NT5DC2: variants seen among roughly 807,000 people sequenced by gnomAD.
The protein encoded by NT5DC2 is 5'-nucleotidase domain-containing protein 2.
In NT5DC2, 41 loss-of-function variants were observed where a neutral mutation model predicts 70.0. The ratio of observed to expected loss-of-function variants is 0.59; its 90% CI spans 0.46 to 0.76. The LOEUF (loss-of-function observed/expected upper bound fraction) is 0.76, where lower values mean the gene tolerates loss of function less well. Among genes scored for constraint, NT5DC2 ranks in the 30% least tolerant of loss-of-function variants. NT5DC2 has a pLI of 0.00. For missense variants in NT5DC2, 705 were observed against 783.2 expected, an observed-to-expected ratio of 0.90 and a Z score of 1.19; for synonymous variants, 299 against 310.4, an observed-to-expected ratio of 0.96 and a Z score of 0.39.
rs996512567 is a variant in NT5DC2 at position 52,533,746 on chromosome 3, C to T, written c.-9G>A. On this transcript the variant is annotated 5_prime_UTR_variant, in exon 1 of 14. Coordinates refer to ENST00000422318, the MANE Select transcript of NT5DC2 (RefSeq NM_001134231.2). ...AGCCCCGCACCCGCCATGCCCACCGCGCGCCGCCCGCCGCCCGCGCTGCCC... is the reference window on the plus strand; with the variant it reads ...AGCCCCGCACCCGCCATGCCCACCGTGCGCCGCCCGCCGCCCGCGCTGCCC... 3 of 975,472 alleles carry T rather than the reference C, an allele frequency of 3.1e-6. No individual in the cohort carries two copies. The highest frequency in any genetic ancestry group is 2.3e-4 in the East Asian group (2 of 8,554). The allele number at this position is 975,472 out of a possible 1,614,324, so 60.4% of individuals were successfully genotyped here.
rs780647395 is a variant in NT5DC2 at position 52,533,484 on chromosome 3, C to T, written c.232+22G>A. 1.9e-5 allele frequency: 29 copies of T among 1,492,860 alleles called. 1 individual carries two copies. The South Asian group carries it at 3.3e-4, about 17-fold the overall frequency. 92.5% of individuals were successfully genotyped at this position (1,492,860 alleles called of 1,614,324 possible). A position where few individuals can be genotyped will look rare whatever the true frequency, so the allele number is the denominator to read the frequency against. ...TCCACGCGGAAGACACCCCGGCGCA[C>T]GTCCCGCCCCGGCTCACCCACCGTG... On this transcript the variant is annotated intron_variant, in intron 1 of 13. Coordinates refer to ENST00000422318, the MANE Select transcript of NT5DC2 (RefSeq NM_001134231.2).
At chr3:52,532,053 TG>T in intron 1 of NT5DC2, 1 of 350,018 alleles carries the variant, frequency 2.9e-6, no homozygotes, top group Non-Finnish European at 4.0e-6. Flanking sequence ...GCCAGGTGGG[TG>T]GGGGCTGGGG....
Position 52,529,016 on chromosome 3 carries a change from C to T in NT5DC2, c.418-81G>A. On this transcript the variant is annotated intron_variant, in intron 2 of 13. Coordinates refer to ENST00000422318, the MANE Select transcript of NT5DC2 (RefSeq NM_001134231.2). The surrounding 1 kb of genome is among the most constrained non-coding windows in gnomAD (Gnocchi z 4.1). ...GGGTGGCCACCCCAGGGGGTCAATCCAGCCACCTGCCCAGGGCAGCTGCCA... is the reference window on the plus strand; with the variant it reads ...GGGTGGCCACCCCAGGGGGTCAATCTAGCCACCTGCCCAGGGCAGCTGCCA... 2 of 1,588,920 alleles carry T rather than the reference C, an allele frequency of 1.3e-6. No homozygotes were observed. Among genetic ancestry groups the T allele is most frequent in the Non-Finnish European group, 8.6e-7 (1 of 1,158,416 alleles).
rs756431676 is a variant in NT5DC2 at position 52,528,089 on chromosome 3, G to A, written c.772-16C>T. 3.7e-6 allele frequency: 6 copies of A among 1,612,860 alleles called. No homozygotes were observed. The South Asian group carries it at 5.5e-5, about 15-fold the overall frequency. On this transcript the variant is annotated splice_polypyrimidine_tract_variant and intron_variant, in intron 6 of 13. Coordinates refer to ENST00000422318, the MANE Select transcript of NT5DC2 (RefSeq NM_001134231.2). ...GGATGGCGTCCTGGGGGCAGTGGAG[G>A]ACAATGAGGGTACAGCAGGGCCCAG...
At chr3:52,526,327 GC>G (rs2079270565) in intron 10 of NT5DC2, 1 of 152,438 alleles carries the variant, frequency 6.6e-6, no homozygotes, top group Admixed American at 6.5e-5. Flanking sequence ...TTTCCTGCAG[GC>G]CAGGCTGGGC....
rs930714256 is a variant in NT5DC2 at position 52,531,893 on chromosome 3, C to T, written c.232+1613G>A. 2.6e-5 allele frequency among the ~76,000 whole-genome samples: 4 copies of T among 152,188 alleles called. No homozygotes were observed. The highest frequency in any genetic ancestry group is 9.7e-5 in the African/African-American group (4 of 41,430). ...CAGTCCCACTTATTCCCCCATCGTC[C>T]GGAGGAAGAAACTGGGGCTCAGGGA... is the stretch of plus-strand genomic sequence containing the variant. On this transcript the variant is annotated intron_variant, in intron 1 of 13. Transcript: ENST00000422318. The surrounding 1 kb of genome is among the most constrained non-coding windows in gnomAD (Gnocchi z 4.1).
At chr3:52,525,161 G>T (rs1559735223) in intron 11 of NT5DC2, 48 bp downstream of exon 11, 3 of 1,150,248 alleles carry the variant, frequency 2.6e-6, no homozygotes, top group East Asian at 2.8e-5. Context: ...CGGGGGGGGG[G>T]GGGTTTCCTG....
chr3:52,528,616 G>GGGGGGGGCC, intron 4 of NT5DC2, 21 bp downstream of exon 4: 1 of 680,200 alleles, frequency 1.5e-6, no homozygotes, highest in South Asian at 1.4e-5. Flanking sequence ...CGGGGGTGGG[G>GGGGGGGGCC]TTGGGGCAGA....
chr3:52,525,226 G>C lies in NT5DC2; in HGVS notation c.1189C>G (p.Leu397Val). 6.2e-7 allele frequency: 1 copy of C among 1,612,466 alleles called. No homozygotes were observed. Among genetic ancestry groups the C allele is most frequent in the Non-Finnish European group, 8.5e-7 (1 of 1,179,876 alleles). Reference sequence around the variant, plus strand: ...TCCCTCACCGCCAGATCACTATAGAGGTGGTCCCCGAAGTAGAGCACGCGG... The same window carrying C: ...TCCCTCACCGCCAGATCACTATAGACGTGGTCCCCGAAGTAGAGCACGCGG... ...GPRVLYFGDH[L>V]YSDLADLMLR... is the part of the protein sequence containing the mutation. The change falls in exon 11 of 14, where the codon CTC (leucine) becomes GTC (valine). Residue 397 changes from leucine (L) to valine (V), a missense_variant. Leu to Val is a conservative substitution (Grantham distance 32). Coordinates refer to ENST00000422318, the MANE Select transcript of NT5DC2 (RefSeq NM_001134231.2).
intron 10 of NT5DC2, chr3:52,526,313 GGT>G (rs1235741805): frequency 6.6e-6 from 1 of 152,560 alleles, no homozygotes; most frequent in African/African-American, 2.4e-5. Flanking sequence ...AGAGGGTGGG[GGT>G]GTTTCCTGCA....
Position 52,529,320 on chromosome 3 carries a change from C to T in NT5DC2, c.247G>A (p.Glu83Lys), listed in dbSNP as rs914817377. 1.2e-6 allele frequency: 2 copies of T among 1,613,268 alleles called. No homozygotes were observed. The highest frequency in any genetic ancestry group is 1.3e-5 in the African/African-American group (1 of 74,804). Residue 83 changes from glutamate to lysine, a missense_variant, in exon 2 of 14, where the codon GAG becomes AAG. By Grantham distance (56) the Glu-to-Lys change is moderately conservative. Coordinates refer to ENST00000422318, the MANE Select transcript of NT5DC2 (RefSeq NM_001134231.2). The surrounding 1 kb of genome is among the most constrained non-coding windows in gnomAD (Gnocchi z 4.1). ...GCTGGGTTCAGGAGACTGCAGACCT[C>T]GGGGGGCAGGAGGTCTAGAGGAAGG... ...RRLVHDLLPP[E>K]VCSLLNPAAI...
chr3:52,533,726 C>G lies in NT5DC2; in HGVS notation c.12G>C (p.Ala4=). MAG[A]GLRAAARRWL... ...AGCGCCGAGCGGCCGCCCGCAGCCC[C>G]GCACCCGCCATGCCCACCGCGCGCC... Residue 4 remains alanine (A), a synonymous_variant, in exon 1 of 14, where the codon GCG becomes GCC. Coordinates refer to ENST00000422318, the MANE Select transcript of NT5DC2 (RefSeq NM_001134231.2). 2 of 987,122 alleles carry G rather than the reference C, an allele frequency of 2.0e-6. No individual in the cohort carries two copies. Among genetic ancestry groups the G allele is most frequent in the Non-Finnish European group, 2.4e-6 (2 of 832,188 alleles). The allele number at this position is 987,122 out of a possible 1,614,324, so 61.1% of individuals were successfully genotyped here.
upstream of NT5DC2, chr3:52,534,869 T>C (rs551060292): frequency 3.0e-4 from 176 of 584,336 alleles, no homozygotes; most frequent in Non-Finnish European, 4.7e-4. Flanking sequence ...GTCCATGGCC[T>C]GGGGACTGGT....
At position 52,529,079 on chromosome 3, in the gene NT5DC2, A is replaced by G; in HGVS notation, c.417+71T>C. The G allele has an allele frequency of 3.7e-6, 6 of 1,602,838 alleles. No individual in the cohort carries two copies. Among genetic ancestry groups the G allele is most frequent in the Non-Finnish European group, 4.3e-6 (5 of 1,171,314 alleles). Reference sequence around the variant, plus strand: ...AGGGGAGCCCCACGACTCAGCCCTGAGCTTAGGCCAAGGTGGGTCTGGCCA... The same window carrying G: ...AGGGGAGCCCCACGACTCAGCCCTGGGCTTAGGCCAAGGTGGGTCTGGCCA... On this transcript the variant is annotated intron_variant, in intron 2 of 13. Coordinates refer to ENST00000422318, the MANE Select transcript of NT5DC2 (RefSeq NM_001134231.2). This position sits in a 1 kb window ranked among gnomAD's most constrained non-coding sequence, Gnocchi z 4.1.
chr3:52,533,426 G>A (rs990621307), intron 1 of NT5DC2, 80 bp downstream of exon 1: 7 of 1,390,060 alleles, frequency 5.0e-6, no homozygotes, highest in Non-Finnish European at 6.7e-6. Context: ...TTCCCCGGAG[G>A]AGCGGCACCC....
intron 7 of NT5DC2, 34 bp from the exon 8 acceptor site, chr3:52,527,965 C>T (rs1406090209): frequency 6.2e-7 from 1 of 1,613,416 alleles, no homozygotes; most frequent in Non-Finnish European, 8.5e-7. Flanking sequence ...AGGGTCAGTC[C>T]TGCCACCTGC....
rs1374063526 is a variant in NT5DC2, at chr3:52,529,345, G to C, written c.233-11C>G. 2.5e-6 allele frequency: 4 copies of C among 1,612,208 alleles called. No homozygotes were observed. Among genetic ancestry groups the C allele is most frequent in the East Asian group, 4.5e-5 (2 of 44,866 alleles). ...CGGGGGGCAGGAGGTCTAGAGGAAG[G>C]AGATGCAGGGAGGCAGTGATGGGGA... On this transcript the variant is annotated splice_polypyrimidine_tract_variant and intron_variant, in intron 1 of 13. Transcript: ENST00000422318. This position sits in a 1 kb window ranked among gnomAD's most constrained non-coding sequence, Gnocchi z 4.1.
intron 9 of NT5DC2, 88 bp downstream of exon 9, chr3:52,527,529 G>T: frequency 6.7e-7 from 1 of 1,500,392 alleles, no homozygotes; most frequent in Non-Finnish European, 9.1e-7. Flanking sequence ...GTGGGCAAGG[G>T]CCAGGTTGGC....
At chr3:52,528,803 A>T in intron 3 of NT5DC2, 58 bp downstream of exon 3, 1 of 1,601,270 alleles carries the variant, frequency 6.2e-7, no homozygotes, top group Non-Finnish European at 8.6e-7. Context: ...ACGGAGGGGT[A>T]ATGACCATAC....
Sources: allele counts gnomAD v4.1 joint callset (sites outside exome capture counted in the v4.1 genomes callset), GRCh38; gene constraint gnomAD v4.1.1; non-coding constraint Gnocchi (gnomAD v3.1); transcripts MANE v1.5; gene names NCBI Gene and HGNC (gene_info 2026-07-23, HGNC 2026-07-21).